The following LYRM4 variants were observed in gnomAD, a reference collection of about 807,000 sequenced individuals.
LYRM4 encodes LYR motif containing 4, also known as LYR motif-containing protein 4.
LYRM4 carries 9 observed loss-of-function variants against 11.7 expected under a neutral mutation model. The ratio of observed to expected loss-of-function variants is 0.77; its 90% CI spans 0.46 to 1.34. The LOEUF is 1.34. Among genes scored for constraint, LYRM4 ranks in the 40% most tolerant of loss-of-function variants. The pLI is 0.00. For synonymous variants in LYRM4, 42 were observed against 40.4 expected, an observed-to-expected ratio of 1.04 and a Z score of -0.15; for missense variants, 133 against 112.5, an observed-to-expected ratio of 1.18 and a Z score of -0.82.
At chr6:5,206,275 G>A (rs1761691885) in intron 2 of LYRM4, among the ~76,000 whole-genome samples, 1 of 152,224 alleles carries the variant, frequency 6.6e-6, no homozygotes, top group Admixed American at 6.5e-5. Flanking sequence ...ATCCACAGGA[G>A]GAAGCTGGCC....
intron 1 of LYRM4, among the ~76,000 whole-genome samples, chr6:5,260,376 C>G (rs914649512): frequency 2.0e-5 from 3 of 152,254 alleles, no homozygotes; most frequent in Non-Finnish European, 4.4e-5. Context: ...ACTAATCATG[C>G]TCCTAGAATA....
intron 2 of LYRM4, among the ~76,000 whole-genome samples, chr6:5,113,583 C>T (rs558766958): frequency 6.6e-6 from 1 of 152,300 alleles, no homozygotes; most frequent in Admixed American, 6.5e-5. Flanking sequence ...TCACTGCCCT[C>T]AGTTTTTGTT....
chr6:5,178,011 C>T (rs2127673899), intron 2 of LYRM4, among the ~76,000 whole-genome samples: 1 of 150,794 alleles, frequency 6.6e-6, no homozygotes, highest in Middle Eastern at 3.4e-3. Context: ...TTTTTTTTAA[C>T]TAAGTATTTA....
At chr6:5,078,348 C>G in the LYRM4 span, among the ~76,000 whole-genome samples, 1 of 151,952 alleles carries the variant, frequency 6.6e-6, no homozygotes, top group Non-Finnish European at 1.5e-5. Context: ...CATCTCAAAT[C>G]CTGGCTCAGC....
the LYRM4 span, among the ~76,000 whole-genome samples, chr6:5,064,356 T>A: frequency 1.3e-5 from 2 of 152,160 alleles, no homozygotes; most frequent in African/African-American, 4.8e-5. Flanking sequence ...TATTTTATTT[T>A]AAAAATAATT....
rs1020649274 is a variant in LYRM4, at chr6:5,154,626, C to T, written c.208-45135G>A. ...GGTCAGGAGATCGAGACCATCCTGA[C>T]GAACACTGTGAAACCCTGTCTGTAC... On this transcript the variant is annotated intron_variant, in intron 2 of 2. Coordinates refer to ENST00000330636, the MANE Select transcript of LYRM4 (RefSeq NM_020408.6). Among the ~76,000 whole-genome samples the T allele has an allele frequency of 4.6e-5, 7 of 152,112 alleles. 1 individual carries two copies. Among genetic ancestry groups the T allele is most frequent in the Admixed American group, 2.0e-4 (3 of 15,276 alleles).
At chr6:5,073,498 C>G in the LYRM4 span, among the ~76,000 whole-genome samples, 1 of 147,974 alleles carries the variant, frequency 6.8e-6, no homozygotes, top group Non-Finnish European at 1.5e-5. Context: ...ATATATATCT[C>G]TATATATATC....
At chr6:5,234,452 A>T (rs1413107713) in intron 1 of LYRM4, among the ~76,000 whole-genome samples, 5 of 152,238 alleles carry the variant, frequency 3.3e-5, no homozygotes, top group Non-Finnish European at 7.3e-5. Context: ...TATTGGGCAC[A>T]TATTACAAAT....
At chr6:5,142,919 T>C (rs2127626649) in intron 2 of LYRM4, among the ~76,000 whole-genome samples, 1 of 152,356 alleles carries the variant, frequency 6.6e-6, no homozygotes, top group African/African-American at 2.4e-5. Context: ...CTCATGCAGA[T>C]GTCTCCCAGG....
At chr6:5,098,982 C>G (rs79536563), downstream of LYRM4, among the ~76,000 whole-genome samples, 1 of 152,270 alleles carries the variant, frequency 6.6e-6, no homozygotes, top group African/African-American at 2.4e-5. Flanking sequence ...TCCACCAACA[C>G]CCCCAGTGCT....
At chr6:5,072,814 A>G in the LYRM4 span, among the ~76,000 whole-genome samples, 770 of 152,228 alleles carry the variant, frequency 5.1e-3, 7 homozygotes, top group Middle Eastern at 0.027. Flanking sequence ...TTCTAATTAT[A>G]GGTGATCAGG....
At chr6:5,226,090 C>G (rs1762876221) in intron 1 of LYRM4, among the ~76,000 whole-genome samples, 1 of 152,102 alleles carries the variant, frequency 6.6e-6, no homozygotes, top group African/African-American at 2.4e-5. Flanking sequence ...TGGTTTGTTG[C>G]CATTTGGCTA....
intron 2 of LYRM4, among the ~76,000 whole-genome samples, chr6:5,120,165 G>C (rs1300373211): frequency 6.6e-6 from 1 of 152,166 alleles, no homozygotes; most frequent in Non-Finnish European, 1.5e-5. Context: ...AAAGTGCTAG[G>C]ATTATAGGCA....
At chr6:5,217,137 T>C (rs981309897) in intron 1 of LYRM4, among the ~76,000 whole-genome samples, 3 of 152,194 alleles carry the variant, frequency 2.0e-5, no homozygotes, top group African/African-American at 7.2e-5. Context: ...TGGGCGACAA[T>C]GCGAGACCCT....
Position 5,154,560 on chromosome 6 carries a change from T to C in LYRM4, c.208-45069A>G, listed in dbSNP as rs568670645. On this transcript the variant is annotated intron_variant, in intron 2 of 2. Coordinates refer to ENST00000330636, the MANE Select transcript of LYRM4 (RefSeq NM_020408.6). ...GGCCGGGCGCGGTGGCTCAAGCCTG[T>C]AATCCCAGGACTTTGGGAGGCCAAG... is the stretch of plus-strand genomic sequence containing the variant. Among the ~76,000 whole-genome samples, 9 of 152,068 alleles carry C rather than the reference T, an allele frequency of 5.9e-5. No individual in the cohort carries two copies. In the East Asian group the frequency reaches 1.7e-3, roughly 30 times the overall value.
chr6:5,171,765 A>G lies in LYRM4; in HGVS notation c.207+44853T>C, dbSNP rs183992448. Among the ~76,000 whole-genome samples the G allele has an allele frequency of 2.0e-5, 3 of 152,330 alleles. No individual in the cohort carries two copies. The East Asian group carries it at 5.8e-4, about 29-fold the overall frequency. ...ATACAAAATGCAGGGCTTTTACACC[A>G]CTGTCATTGTAGGTGATGAGATTTC... On this transcript the variant is annotated intron_variant, in intron 2 of 2. Coordinates refer to ENST00000330636, the MANE Select transcript of LYRM4 (RefSeq NM_020408.6).
intron 1 of LYRM4, among the ~76,000 whole-genome samples, chr6:5,218,558 T>C (rs1159169127): frequency 6.6e-6 from 1 of 151,526 alleles, no homozygotes; most frequent in Non-Finnish European, 1.5e-5. Context: ...AAGGGAAGAG[T>C]TTAGGAACCG....
intron 1 of LYRM4, among the ~76,000 whole-genome samples, chr6:5,245,163 T>TATATATATATATATAA (rs1373926501): frequency 6.1e-5 from 4 of 65,254 alleles, no homozygotes; most frequent in Non-Finnish European, 8.7e-5. Context: ...TATATATATA[T>TATATATATATATATAA]AAAATAGGTG....
chr6:5,092,423 A>T, the LYRM4 span, among the ~76,000 whole-genome samples: 1 of 151,806 alleles, frequency 6.6e-6, no homozygotes, highest in East Asian at 1.9e-4. Context: ...CATTATTTTT[A>T]AAAAATGGCC....
Sources: gnomAD v4.1 joint callset for allele counts (sites outside exome capture counted in the v4.1 genomes callset) on GRCh38, gnomAD v4.1.1 for gene constraint, MANE v1.5 for transcripts, NCBI Gene and HGNC (gene_info 2026-07-23, HGNC 2026-07-21) for gene names.